CNGB3: variants seen among roughly 807,000 people sequenced by gnomAD.
CNGB3 encodes the protein cyclic nucleotide-gated channel beta-3.
A neutral mutation model predicts 92.8 loss-of-function variants in CNGB3; 86 were observed. The ratio of observed to expected loss-of-function variants is 0.93; its 90% CI spans 0.78 to 1.11. CNGB3 has a LOEUF of 1.11. Ranked by LOEUF, CNGB3 falls within the 50% of genes least tolerant of loss-of-function variation. The pLI, the probability that CNGB3 is intolerant of heterozygous loss-of-function variation, is 0.00. For missense variants in CNGB3, 1,026 were observed against 956.8 expected, an observed-to-expected ratio of 1.07 and a Z score of -0.95; for synonymous variants, 333 against 332.7, an observed-to-expected ratio of 1.00 and a Z score of -0.01.
intron 13 of CNGB3, among the ~76,000 whole-genome samples, chr8:86,624,682 T>C (rs1822810207): frequency 6.6e-6 from 1 of 152,176 alleles, no homozygotes. Flanking sequence ...CCTTGCTTCT[T>C]GCAGTCCTCT....
chr8:86,665,812 G>C (rs922959517), intron 6 of CNGB3, among the ~76,000 whole-genome samples: 7 of 152,124 alleles, frequency 4.6e-5, no homozygotes, highest in African/African-American at 1.7e-4. Flanking sequence ...TCCAGTACCT[G>C]GGCCAATCGT....
intron 15 of CNGB3, among the ~76,000 whole-genome samples, chr8:86,591,033 T>C (rs1341149380): frequency 6.6e-6 from 1 of 152,244 alleles, no homozygotes; most frequent in East Asian, 1.9e-4. Flanking sequence ...AAGGCTTTGC[T>C]TGTTTCTTTT....
chr8:86,594,249 T>A (rs1025886347), intron 15 of CNGB3: 2 of 261,076 alleles, frequency 7.7e-6, no homozygotes, highest in Non-Finnish European at 1.5e-5. Flanking sequence ...GAACCAGTCC[T>A]TGCCTGGGTG....
intron 3 of CNGB3, among the ~76,000 whole-genome samples, chr8:86,690,388 C>T (rs9657019): frequency 0.047 from 7,117 of 152,118 alleles, 233 homozygotes; most frequent in African/African-American, 0.094. Flanking sequence ...TCATATCCTT[C>T]GCCCACTTTT....
At chr8:86,624,971 C>A (rs1382647421) in intron 13 of CNGB3, among the ~76,000 whole-genome samples, 1 of 152,142 alleles carries the variant, frequency 6.6e-6, no homozygotes, top group African/African-American at 2.4e-5. Context: ...ACTGACCACA[C>A]CTGCCTTGGT....
chr8:86,591,761 T>C (rs559340487), intron 15 of CNGB3, among the ~76,000 whole-genome samples: 115 of 152,258 alleles, frequency 7.6e-4, no homozygotes, highest in African/African-American at 2.7e-3. Flanking sequence ...GACAGGGACA[T>C]TTAAGTCTGC....
At chr8:86,654,889 A>G (rs1389602891) in intron 6 of CNGB3, among the ~76,000 whole-genome samples, 2 of 152,096 alleles carry the variant, frequency 1.3e-5, no homozygotes, top group Non-Finnish European at 2.9e-5. Context: ...ATAGTTTCAG[A>G]GATTACCGTG....
At position 86,579,066 on chromosome 8, in the gene CNGB3, C is replaced by T. The variant is rs1467495713; in HGVS notation, c.1928+40G>A. 3.1e-6 allele frequency: 5 copies of T among 1,613,690 alleles called. No individual in the cohort carries two copies. In the Admixed American group the frequency reaches 6.7e-5, roughly 22 times the overall value. Reference sequence around the variant, plus strand: ...CTATCTCAGAGTTTACAAAGTAAAACCAACTCCATCCATCTCTAATGGTGT... The same window carrying T: ...CTATCTCAGAGTTTACAAAGTAAAATCAACTCCATCCATCTCTAATGGTGT... On this transcript the variant is annotated intron_variant, in intron 16 of 17. Transcript: ENST00000320005.
intron 3 of CNGB3, among the ~76,000 whole-genome samples, chr8:86,693,420 T>TTTA (rs1296493114): frequency 1.7e-3 from 92 of 53,160 alleles, no homozygotes; most frequent in Non-Finnish European, 2.4e-3. Flanking sequence ...TTCATTTTTT[T>TTTA]TTATTATTAT....
At chr8:86,632,587 T>A (rs1446192382) in intron 11 of CNGB3, among the ~76,000 whole-genome samples, 165 bp downstream of exon 11, 1 of 152,206 alleles carries the variant, frequency 6.6e-6, no homozygotes, top group Non-Finnish European at 1.5e-5. Flanking sequence ...GGAAAAGCAC[T>A]GTTGATCTAA....
chr8:86,740,524 G>C (rs532556675), intron 1 of CNGB3, among the ~76,000 whole-genome samples: 10 of 152,278 alleles, frequency 6.6e-5, no homozygotes, highest in African/African-American at 2.4e-4. Context: ...TTTAGCAAAA[G>C]CCAAAGGCGT....
chr8:86,668,605 T>C (rs6984637), intron 4 of CNGB3, among the ~76,000 whole-genome samples: 21,422 of 151,810 alleles, frequency 0.14, 1,646 homozygotes, highest in Admixed American at 0.22. Flanking sequence ...TTTCACTGTG[T>C]GTGTGTTTGT....
intron 13 of CNGB3, among the ~76,000 whole-genome samples, chr8:86,615,602 TA>T (rs1822604132): frequency 6.6e-6 from 1 of 151,842 alleles, no homozygotes; most frequent in African/African-American, 2.4e-5. Flanking sequence ...GACCCTGTCT[TA>T]AAAAAATAAA....
chr8:86,733,640 C>T (rs1825196387), intron 2 of CNGB3, among the ~76,000 whole-genome samples: 1 of 152,150 alleles, frequency 6.6e-6, no homozygotes, highest in African/African-American at 2.4e-5. Flanking sequence ...CTAAAATTAG[C>T]CATAGTAGTA....
chr8:86,734,630 T>C (rs184079453), intron 2 of CNGB3, among the ~76,000 whole-genome samples: 234 of 152,314 alleles, frequency 1.5e-3, no homozygotes, highest in South Asian at 8.1e-3. Context: ...AAAGGGAATA[T>C]TTAAACATTA....
At chr8:86,584,403 G>A (rs1563714952) in intron 15 of CNGB3, among the ~76,000 whole-genome samples, 1 of 152,048 alleles carries the variant, frequency 6.6e-6, no homozygotes, top group East Asian at 1.9e-4. Flanking sequence ...AGAATAGAAC[G>A]GAAATAACAT....
At chr8:86,694,520 G>C (rs74744235) in intron 3 of CNGB3, among the ~76,000 whole-genome samples, 43,261 of 150,920 alleles carry the variant, frequency 0.29, 6,556 homozygotes, top group East Asian at 0.4. Context: ...GCTGCCGGGT[G>C]GCGGGACTCC....
chr8:86,633,631 A>G (rs1010533114), intron 10 of CNGB3, among the ~76,000 whole-genome samples: 3 of 152,188 alleles, frequency 2.0e-5, no homozygotes, highest in Admixed American at 2.0e-4. Context: ...TCAAGTCACT[A>G]AGGCCAACCC....
intron 15 of CNGB3, among the ~76,000 whole-genome samples, chr8:86,582,133 A>T (rs1015738002): frequency 6.6e-5 from 10 of 152,164 alleles, no homozygotes; most frequent in Admixed American, 2.0e-4. Flanking sequence ...ACTATGATTA[A>T]TATGTAATCC....
Sources: gnomAD v4.1 joint callset for allele counts (sites outside exome capture counted in the v4.1 genomes callset) on GRCh38, gnomAD v4.1.1 for gene constraint, MANE v1.5 for transcripts, NCBI Gene and HGNC (gene_info 2026-07-23, HGNC 2026-07-21) for gene names.